The following PHACTR2 variants were observed in gnomAD, a reference collection of about 807,000 sequenced individuals.
PHACTR2 encodes phosphatase and actin regulator 2.
PHACTR2 carries 30 observed loss-of-function variants against 76.0 expected under a neutral mutation model. The observed-to-expected ratio is 0.39, with a 90% CI of 0.30 to 0.54. The LOEUF is 0.54. PHACTR2 is among the 20% of genes least tolerant of loss of function. The pLI is 0.61. For synonymous variants in PHACTR2, 292 were observed against 292.5 expected, an observed-to-expected ratio of 1.00 and a Z score of 0.02; for missense variants, 696 against 781.1, an observed-to-expected ratio of 0.89 and a Z score of 1.30.
intron 1 of PHACTR2, among the ~76,000 whole-genome samples, chr6:143,579,827 G>C (rs1775553265): frequency 6.6e-6 from 1 of 152,160 alleles, no homozygotes; most frequent in Non-Finnish European, 1.5e-5. Context: ...AGGAATCCAG[G>C]CACATTTAGC....
At position 143,557,665 on chromosome 6, in the gene PHACTR2, C is replaced by G. The variant is rs1582668854; in HGVS notation, c.217+20458C>G. On this transcript the variant is annotated intron_variant, in intron 1 of 11. Transcript: ENST00000367584. This position sits in a 1 kb window ranked among gnomAD's most constrained non-coding sequence, Gnocchi z 5.5. Reference sequence around the variant, plus strand: ...GTTTTTCCTTGGCTGACTTCTTTCTCCGTAAGGTCTTGTCGCGAGTCCTAG... The same window carrying G: ...GTTTTTCCTTGGCTGACTTCTTTCTGCGTAAGGTCTTGTCGCGAGTCCTAG... The G allele has an allele frequency of 6.6e-6, 1 of 152,236 alleles. No individual in the cohort carries two copies. Among genetic ancestry groups the G allele is most frequent in the Non-Finnish European group, 1.5e-5 (1 of 68,056 alleles). 9.4% of individuals were successfully genotyped at this position (152,236 alleles called of 1,614,324 possible). A position where few individuals can be genotyped will look rare whatever the true frequency, so the allele number is the denominator to read the frequency against.
rs542815814 is a variant in PHACTR2, at chr6:143,730,246, T to C, written c.214+18063T>C. ...GGCTAGGATTTTTATTTAAACTGCA[T>C]TAAATCTATGCTGCAGTTTGGGTAG... On this transcript the variant is annotated intron_variant, in intron 2 of 12. Coordinates refer to ENST00000440869, the MANE Select transcript of PHACTR2 (RefSeq NM_001100164.2). The surrounding 1 kb of genome is among the most constrained non-coding windows in gnomAD (Gnocchi z 4.8). Among the ~76,000 whole-genome samples the C allele has an allele frequency of 1.3e-5, 2 of 152,288 alleles. No individual in the cohort carries two copies. The highest frequency in any genetic ancestry group is 2.9e-5 in the Non-Finnish European group (2 of 68,010).
intron 1 of PHACTR2, among the ~76,000 whole-genome samples, chr6:143,634,613 AT>A (rs1156403845): frequency 6.6e-6 from 1 of 152,158 alleles, no homozygotes; most frequent in Non-Finnish European, 1.5e-5. Flanking sequence ...CAGTTAGATG[AT>A]TTATCTCTGG....
chr6:143,788,925 G>A lies in PHACTR2; in HGVS notation c.1845+15G>A. 3.7e-6 allele frequency: 6 copies of A among 1,602,520 alleles called. No individual in the cohort carries two copies. The highest frequency in any genetic ancestry group is 5.1e-6 in the Non-Finnish European group (6 of 1,170,608). On this transcript the variant is annotated intron_variant, in intron 11 of 12. Transcript: ENST00000440869. ...CTGCAGACAAGGCAAGAATCCCAGT[G>A]GATTTTGTGTTGATTGTATTGCTTT...
rs182897150 is a variant in PHACTR2, at chr6:143,602,277, G to A, written c.217+65070G>A. ...TGCTCAATTTTGAGGGCATACTGCC[G>A]ATCCAGTATTTAGGGACCCACGTGA... is the stretch of plus-strand genomic sequence containing the variant. On this transcript the variant is annotated intron_variant, in intron 1 of 11. Coordinates refer to the PHACTR2 transcript ENST00000367584. This position sits in a 1 kb window ranked among gnomAD's most constrained non-coding sequence, Gnocchi z 6.1. Among the ~76,000 whole-genome samples, 571 of 152,226 alleles carry A rather than the reference G, an allele frequency of 3.8e-3. 8 individuals are homozygous for A. The highest frequency in any genetic ancestry group is 2.3e-3 in the Non-Finnish European group (155 of 68,016).
chr6:143,664,203 A>G lies in PHACTR2; in HGVS notation c.14-47813A>G, dbSNP rs1166097400. ...TACCTTCAGTTTTAATTTATCTATTATTAATATTGAGATTATAAATTTTCT... is the reference window on the plus strand; with the variant it reads ...TACCTTCAGTTTTAATTTATCTATTGTTAATATTGAGATTATAAATTTTCT... On this transcript the variant is annotated intron_variant, in intron 1 of 11. Coordinates refer to the PHACTR2 transcript ENST00000305766. The surrounding 1 kb of genome is among the most constrained non-coding windows in gnomAD (Gnocchi z 5.1). Among the ~76,000 whole-genome samples the G allele has an allele frequency of 6.6e-6, 1 of 152,052 alleles. No individual in the cohort carries two copies. The highest frequency in any genetic ancestry group is 1.5e-5 in the Non-Finnish European group (1 of 67,958).
intron 1 of PHACTR2, among the ~76,000 whole-genome samples, chr6:143,694,649 TA>T (rs1458022654): frequency 2.0e-5 from 3 of 152,156 alleles, no homozygotes; most frequent in Non-Finnish European, 4.4e-5. Context: ...GCTGCTAAAA[TA>T]AGAAAGAAAA....
rs1270533719 is a variant in PHACTR2 at position 143,722,096 on chromosome 6, G to C, written c.214+9913G>C. Among the ~76,000 whole-genome samples, 1 of 152,148 alleles carries C rather than the reference G, an allele frequency of 6.6e-6. No homozygotes were observed. The highest frequency in any genetic ancestry group is 6.5e-5 in the Admixed American group (1 of 15,272). On this transcript the variant is annotated intron_variant, in intron 2 of 12. Coordinates refer to ENST00000440869, the MANE Select transcript of PHACTR2 (RefSeq NM_001100164.2). This position sits in a 1 kb window ranked among gnomAD's most constrained non-coding sequence, Gnocchi z 4.1. ...GAATTAAGCATCTTGTAAATGTCTA[G>C]GGAGCTGGAAGTTCCCATGAAAACT...
At chr6:143,603,889 A>G (rs1775839683), upstream of PHACTR2, among the ~76,000 whole-genome samples, 1 of 152,124 alleles carries the variant, frequency 6.6e-6, no homozygotes, top group South Asian at 2.1e-4. Context: ...ACTTGAGGTC[A>G]GGAGTTCAAG....
intron 1 of PHACTR2, among the ~76,000 whole-genome samples, chr6:143,643,605 A>C (rs1776604508): frequency 6.6e-6 from 1 of 152,204 alleles, no homozygotes; most frequent in Non-Finnish European, 1.5e-5. Flanking sequence ...TAGTTCCTCA[A>C]AGGAGGGCTA....
rs969583484 is a variant in PHACTR2, at chr6:143,755,050, A to G, written c.454+1138A>G. 5.3e-5 allele frequency among the ~76,000 whole-genome samples: 8 copies of G among 152,226 alleles called. No individual in the cohort carries two copies. Among genetic ancestry groups the G allele is most frequent in the Non-Finnish European group, 1.5e-5 (1 of 68,040 alleles). The stretch of plus-strand genomic sequence containing the variant: ...ATATATATTAGCCTTTAAAAGTTTT[A>G]GAAGCCTGTGTAAATAATCTGTTGG... On this transcript the variant is annotated intron_variant, in intron 4 of 12. Coordinates refer to ENST00000440869, the MANE Select transcript of PHACTR2 (RefSeq NM_001100164.2). This position sits in a 1 kb window ranked among gnomAD's most constrained non-coding sequence, Gnocchi z 5.2.
rs1054885319 is a variant in PHACTR2, at chr6:143,818,821, G to A, written c.1923-4853G>A. 2.0e-5 allele frequency among the ~76,000 whole-genome samples: 3 copies of A among 152,294 alleles called. No individual in the cohort carries two copies. The highest frequency in any genetic ancestry group is 7.2e-5 in the African/African-American group (3 of 41,562). On this transcript the variant is annotated intron_variant, in intron 12 of 12. Transcript: ENST00000440869. This position sits in a 1 kb window ranked among gnomAD's most constrained non-coding sequence, Gnocchi z 4.9. ...CTCCCACAACATGTGGGGATTATGA[G>A]ATTACAATTCAAGGTGAGGTTTCGG... is the stretch of plus-strand genomic sequence containing the variant.
upstream of PHACTR2, among the ~76,000 whole-genome samples, chr6:143,605,178 G>T (rs970197597): frequency 2.0e-5 from 3 of 152,024 alleles, no homozygotes; most frequent in Non-Finnish European, 4.4e-5. This position sits in a 1 kb window ranked among gnomAD's most constrained non-coding sequence, Gnocchi z 5.0. Context: ...TCGAAGGTGG[G>T]ATCACACTGA....
intron 1 of PHACTR2, among the ~76,000 whole-genome samples, chr6:143,635,798 G>C (rs942827033): frequency 6.6e-6 from 1 of 152,104 alleles, no homozygotes; most frequent in African/African-American, 2.4e-5. Flanking sequence ...TGACACAAAT[G>C]CAGGCCTTTT....
rs1364856963 is a variant in PHACTR2, at chr6:143,761,930, C to A, written c.694+1290C>A. On this transcript the variant is annotated intron_variant, in intron 5 of 12. Transcript: ENST00000440869. This position sits in a 1 kb window ranked among gnomAD's most constrained non-coding sequence, Gnocchi z 5.2. The stretch of plus-strand genomic sequence containing the variant: ...TCTGAATGCCAATAGACATCCCTCT[C>A]CCTGTGCTCCTCATGTCCCGCCTTT... Among the ~76,000 whole-genome samples, 1 of 152,170 alleles carries A rather than the reference C, an allele frequency of 6.6e-6. No individual in the cohort carries two copies. The highest frequency in any genetic ancestry group is 6.5e-5 in the Admixed American group (1 of 15,268).
chr6:143,699,512 T>C (rs542910568), intron 1 of PHACTR2, among the ~76,000 whole-genome samples: 16 of 152,352 alleles, frequency 1.1e-4, no homozygotes, highest in African/African-American at 3.1e-4. Context: ...CAGCTGCTTT[T>C]GTTTAGAAGA....
intron 1 of PHACTR2, among the ~76,000 whole-genome samples, chr6:143,701,392 G>T (rs1473093841): frequency 6.6e-6 from 1 of 152,174 alleles, no homozygotes; most frequent in East Asian, 1.9e-4. Flanking sequence ...AATTACTTTA[G>T]TCAGTATAAA....
At chr6:143,632,945 C>CT (rs1776390734) in intron 1 of PHACTR2, among the ~76,000 whole-genome samples, 1 of 152,134 alleles carries the variant, frequency 6.6e-6, no homozygotes, top group African/African-American at 2.4e-5. Flanking sequence ...TAGCTCATTT[C>CT]TTTTTAGCAC....
chr6:143,660,625 C>T (rs568362868), intron 1 of PHACTR2, among the ~76,000 whole-genome samples: 3 of 152,164 alleles, frequency 2.0e-5, no homozygotes, highest in Non-Finnish European at 4.4e-5. Context: ...TGAGCACTTA[C>T]CCGTGCACTG....
Sources: gnomAD v4.1 joint callset for allele counts (sites outside exome capture counted in the v4.1 genomes callset) on GRCh38, gnomAD v4.1.1 for gene constraint, Gnocchi (gnomAD v3.1) non-coding constraint, MANE v1.5 for transcripts, NCBI Gene and HGNC (gene_info 2026-07-23, HGNC 2026-07-21) for gene names.